Variants in ZNF469 observed in about 807,000 individuals in gnomAD.
ZNF469 encodes the protein zinc finger protein 469.
A neutral mutation model predicts 1.0 loss-of-function variants in ZNF469; 1 was observed. That is an observed-to-expected ratio of 1.00 (90% CI 0.35 to 4.73). The LOEUF is 4.73. ZNF469 is among the 30% of genes most tolerant of loss of function. The pLI, the probability that ZNF469 is intolerant of heterozygous loss-of-function variation, is 0.16. For synonymous variants in ZNF469, 2,703 were observed against 2,363.4 expected (o/e 1.14, Z -4.17); for missense variants, 6,100 against 5,356.3 (o/e 1.14, Z -4.33).
the ZNF469 span, among the ~76,000 whole-genome samples, chr16:88,245,971 G>A: frequency 5.9e-5 from 9 of 152,398 alleles, no homozygotes; most frequent in East Asian, 1.2e-3. Flanking sequence ...TGGTTGCTTT[G>A]GCTCATCCAA....
chr16:88,239,392 A>G, the ZNF469 span, among the ~76,000 whole-genome samples: 1 of 152,112 alleles, frequency 6.6e-6, no homozygotes, highest in Non-Finnish European at 1.5e-5. Flanking sequence ...AGGTGCCAAG[A>G]ACTACAGGAT....
the ZNF469 span, among the ~76,000 whole-genome samples, chr16:88,351,450 C>T: frequency 9.2e-5 from 14 of 152,194 alleles, no homozygotes; most frequent in South Asian, 4.1e-4. Flanking sequence ...CACATGGCAC[C>T]GCCCTGGGCC....
the ZNF469 span, among the ~76,000 whole-genome samples, chr16:88,240,566 C>T: frequency 6.6e-6 from 1 of 152,130 alleles, no homozygotes; most frequent in Admixed American, 6.5e-5. Flanking sequence ...CACAGAGACG[C>T]AGATGCATCA....
At chr16:88,381,485 G>C (rs530623823), upstream of ZNF469, among the ~76,000 whole-genome samples, 25 of 152,316 alleles carry the variant, frequency 1.6e-4, no homozygotes, top group South Asian at 4.6e-3. Flanking sequence ...AGACCCAGTA[G>C]AAACGAGAAG....
the ZNF469 span, among the ~76,000 whole-genome samples, chr16:88,226,300 T>G: frequency 6.6e-6 from 1 of 151,548 alleles, no homozygotes; most frequent in Non-Finnish European, 1.5e-5. Context: ...GTGAGGAGGG[T>G]GAGGTGAGGT....
chr16:88,294,285 G>A, the ZNF469 span, among the ~76,000 whole-genome samples: 11 of 152,294 alleles, frequency 7.2e-5, no homozygotes, highest in African/African-American at 2.4e-4. Context: ...AGGTAGGCTC[G>A]TGCCATCCTA....
At chr16:88,142,734 C>A in the ZNF469 span, among the ~76,000 whole-genome samples, 2 of 152,224 alleles carry the variant, frequency 1.3e-5, no homozygotes, top group Non-Finnish European at 2.9e-5. Context: ...TCAGCTCACC[C>A]TGCGGGGAGT....
chr16:88,354,152 G>C, the ZNF469 span, among the ~76,000 whole-genome samples: 1 of 152,226 alleles, frequency 6.6e-6, no homozygotes, highest in African/African-American at 2.4e-5. Context: ...ACAGCTCCCT[G>C]TGACACAGCC....
At chr16:88,100,937 C>T in the ZNF469 span, 4 of 287,838 alleles carry the variant, frequency 1.4e-5, no homozygotes, top group Non-Finnish European at 2.7e-5. Context: ...AGCCAGTGCG[C>T]AGAGACGCAG....
intron 2 of ZNF469, among the ~76,000 whole-genome samples, chr16:88,425,527 C>G (rs999120591): frequency 4.0e-5 from 6 of 151,836 alleles, no homozygotes; most frequent in African/African-American, 1.5e-4. Context: ...CCAGGAGGAC[C>G]TCGCCTACAC....
chr16:88,121,204 A>T, the ZNF469 span, among the ~76,000 whole-genome samples: 1 of 92,966 alleles, frequency 1.1e-5, no homozygotes, highest in Non-Finnish European at 2.0e-5. Context: ...CTTGGCACCC[A>T]CTGTGTACCA....
chr16:88,202,138 G>A, the ZNF469 span, among the ~76,000 whole-genome samples: 1 of 152,178 alleles, frequency 6.6e-6, no homozygotes, highest in Non-Finnish European at 1.5e-5. Context: ...GTGGTGTGAG[G>A]CATGGACACG....
the ZNF469 span, among the ~76,000 whole-genome samples, chr16:88,366,660 C>T: frequency 6.7e-6 from 1 of 149,906 alleles, no homozygotes; most frequent in African/African-American, 2.4e-5. Flanking sequence ...CCACCATCAC[C>T]ATCATTATCG....
chr16:88,138,992 C>A, the ZNF469 span, among the ~76,000 whole-genome samples: 22 of 152,248 alleles, frequency 1.4e-4, no homozygotes, highest in African/African-American at 5.3e-4. Context: ...AGGGGGGACC[C>A]TGTCCCAATG....
chr16:88,300,144 A>G, the ZNF469 span, among the ~76,000 whole-genome samples: 12 of 152,198 alleles, frequency 7.9e-5, no homozygotes, highest in African/African-American at 2.6e-4. Context: ...ATTTCTCCCA[A>G]CTCTGCAGTG....
chr16:88,322,173 C>G, the ZNF469 span, among the ~76,000 whole-genome samples: 10 of 152,228 alleles, frequency 6.6e-5, no homozygotes, highest in African/African-American at 2.4e-4. Context: ...GGCATCTTCT[C>G]CCAGCCTCCG....
chr16:88,355,028 G>C, the ZNF469 span, among the ~76,000 whole-genome samples: 1 of 151,790 alleles, frequency 6.6e-6, no homozygotes, highest in South Asian at 2.1e-4. Context: ...TGTCCCACCT[G>C]ATACTCAGGG....
the ZNF469 span, among the ~76,000 whole-genome samples, chr16:88,190,944 C>T: frequency 6.6e-6 from 1 of 152,166 alleles, no homozygotes. Context: ...GGACCTCTGA[C>T]CTCCAGAACT....
chr16:88,152,549 T>C, the ZNF469 span, among the ~76,000 whole-genome samples: 9 of 152,184 alleles, frequency 5.9e-5, no homozygotes, highest in African/African-American at 2.2e-4. The surrounding 1 kb of genome is among the most constrained non-coding windows in gnomAD (Gnocchi z 4.2). Context: ...CTGGGTCTTC[T>C]GTTGAGCCCC....
Sources: gnomAD v4.1 joint callset for allele counts (sites outside exome capture counted in the v4.1 genomes callset) on GRCh38, gnomAD v4.1.1 for gene constraint, Gnocchi (gnomAD v3.1) non-coding constraint, MANE v1.5 for transcripts, NCBI Gene and HGNC (gene_info 2026-07-23, HGNC 2026-07-21) for gene names.